RFX7: variants seen among roughly 807,000 people sequenced by gnomAD.
RFX7 encodes the protein regulatory factor X7, also known as DNA-binding protein RFX7.
A neutral mutation model predicts 111.8 loss-of-function variants in RFX7; 26 were observed. That is an observed-to-expected ratio of 0.23 (90% CI 0.17 to 0.32). RFX7 has a LOEUF of 0.32. RFX7 is among the 10% of genes least tolerant of loss of function. The probability of loss-of-function intolerance (pLI) is 1.00; values close to 1 mark genes in which losing one functional copy is unlikely to be tolerated. For synonymous variants in RFX7, 624 were observed against 624.4 expected, an observed-to-expected ratio of 1.00 and a Z score of 0.01; for missense variants, 1,573 against 1,772.9, an observed-to-expected ratio of 0.89 and a Z score of 2.02.
At chr15:56,119,563 G>T (rs2042048814) in intron 5 of RFX7, among the ~76,000 whole-genome samples, 1 of 151,878 alleles carries the variant, frequency 6.6e-6, no homozygotes, top group Non-Finnish European at 1.5e-5. Flanking sequence ...GGTCAAATGG[G>T]GTCAGGAGTT....
chr15:56,207,225 T>C (rs190730400), intron 2 of RFX7, among the ~76,000 whole-genome samples: 1 of 152,076 alleles, frequency 6.6e-6, no homozygotes, highest in African/African-American at 2.4e-5. Flanking sequence ...CCTAGAGTAG[T>C]GAAATTCTGA....
At chr15:56,184,338 C>G (rs566240227) in intron 2 of RFX7, among the ~76,000 whole-genome samples, 14 of 151,656 alleles carry the variant, frequency 9.2e-5, no homozygotes, top group African/African-American at 3.4e-4. Context: ...TGCGCCCGGA[C>G]AGTTCTAATA....
In RFX7 at chr15:56,089,957, C is replaced by G. The variant is rs931980716; in HGVS notation, c.*3388G>C. 1.3e-5 allele frequency: 2 copies of G among 152,136 alleles called. No homozygotes were observed. The highest frequency in any genetic ancestry group is 2.9e-5 in the Non-Finnish European group (2 of 68,036). 9.4% of individuals were successfully genotyped at this position (152,136 alleles called of 1,614,324 possible). A position where few individuals can be genotyped will look rare whatever the true frequency, so the allele number is the denominator to read the frequency against. On this transcript the variant is annotated 3_prime_UTR_variant, in exon 10 of 10. Transcript: ENST00000559447. ...AAGATCTGTCTACAATATATAGTCC[C>G]TGGCACTGGTTGTTGTTGCTTCTCA...
intron 3 of RFX7, among the ~76,000 whole-genome samples, chr15:56,162,804 A>G (rs1443458238): frequency 6.6e-6 from 1 of 152,150 alleles, no homozygotes; most frequent in African/African-American, 2.4e-5. Flanking sequence ...ACAAAACCAA[A>G]CAAGCTATTT....
At chr15:56,197,832 G>A (rs2043159556) in intron 2 of RFX7, among the ~76,000 whole-genome samples, 1 of 152,164 alleles carries the variant, frequency 6.6e-6, no homozygotes, top group Admixed American at 6.5e-5. Context: ...GGCTTTCCAG[G>A]ATTCTGGAAT....
At position 56,119,239 on chromosome 15, in the gene RFX7, G is replaced by A. The variant is rs1290225419; in HGVS notation, c.402-15569C>T. Among the ~76,000 whole-genome samples the A allele has an allele frequency of 3.9e-5, 6 of 152,064 alleles. No homozygotes were observed. The South Asian group carries it at 1.0e-3, about 26-fold the overall frequency. The stretch of plus-strand genomic sequence containing the variant: ...TGCTTTGGTTGCCTGTGCTTGTAGG[G>A]TATTGCTCAAGAAATTTTTGCACAG... On this transcript the variant is annotated intron_variant, in intron 5 of 9. Coordinates refer to ENST00000559447, the MANE Select transcript of RFX7 (RefSeq NM_022841.7).
chr15:56,100,778 A>G (rs1431503590), intron 8 of RFX7, among the ~76,000 whole-genome samples: 3 of 152,212 alleles, frequency 2.0e-5, no homozygotes, highest in East Asian at 1.9e-4. Context: ...AAGACTGTCA[A>G]TTCCCAAAAT....
At chr15:56,218,141 TTTC>T (rs1596016810) in intron 2 of RFX7, among the ~76,000 whole-genome samples, 9 of 141,854 alleles carry the variant, frequency 6.3e-5, no homozygotes, top group Admixed American at 1.5e-4. Context: ...TAGAAATGAT[TTTC>T]TTTTTTTTTT....
intron 2 of RFX7, among the ~76,000 whole-genome samples, chr15:56,212,143 A>T (rs2043318840): frequency 6.6e-6 from 1 of 152,328 alleles, no homozygotes; most frequent in Admixed American, 6.5e-5. Context: ...ACAGTGGTAT[A>T]TCTATTAATG....
chr15:56,123,920 G>C (rs1185519732), intron 5 of RFX7, among the ~76,000 whole-genome samples: 5 of 152,204 alleles, frequency 3.3e-5, no homozygotes, highest in Non-Finnish European at 7.3e-5. Context: ...CTGGGAGATG[G>C]GGGAGAGGTG....
chr15:56,104,670 G>C (rs2041804988), intron 5 of RFX7, among the ~76,000 whole-genome samples: 1 of 152,150 alleles, frequency 6.6e-6, no homozygotes, highest in South Asian at 2.1e-4. Flanking sequence ...AGTTAAGTTG[G>C]GAGAGACTCA....
At chr15:56,238,864 C>T (rs1450712229) in intron 2 of RFX7, among the ~76,000 whole-genome samples, 1 of 152,186 alleles carries the variant, frequency 6.6e-6, no homozygotes, top group East Asian at 1.9e-4. Flanking sequence ...AACCAGAGTC[C>T]TGCTCTGTCG....
At chr15:56,212,444 T>C (rs1319978333) in intron 2 of RFX7, among the ~76,000 whole-genome samples, 1 of 152,178 alleles carries the variant, frequency 6.6e-6, no homozygotes, top group Non-Finnish European at 1.5e-5. Context: ...TGTCATTATA[T>C]ATCTGACCAA....
At chr15:56,221,484 T>C (rs971465354) in intron 2 of RFX7, among the ~76,000 whole-genome samples, 1 of 152,174 alleles carries the variant, frequency 6.6e-6, no homozygotes, top group Non-Finnish European at 1.5e-5. Context: ...TTGTAGACAG[T>C]ATATAGTTGG....
At chr15:56,187,952 G>C (rs2043059273) in intron 2 of RFX7, among the ~76,000 whole-genome samples, 11 of 152,070 alleles carry the variant, frequency 7.2e-5, no homozygotes, top group Admixed American at 7.2e-4. Flanking sequence ...AAAAGACCTA[G>C]AGTCAAGAGA....
intron 3 of RFX7, among the ~76,000 whole-genome samples, chr15:56,167,925 A>G (rs1262832237): frequency 1.3e-5 from 2 of 152,220 alleles, no homozygotes; most frequent in Admixed American, 6.5e-5. Context: ...GGTTACCAAA[A>G]TTCAGTAAGA....
intron 2 of RFX7, among the ~76,000 whole-genome samples, chr15:56,195,609 G>C (rs1163648879): frequency 8.5e-5 from 13 of 152,054 alleles, no homozygotes; most frequent in African/African-American, 2.2e-4. Context: ...ATTAACCAAA[G>C]ACCCGTGTTT....
At chr15:56,133,190 C>A (rs28637684) in intron 5 of RFX7, among the ~76,000 whole-genome samples, 4,546 of 152,066 alleles carry the variant, frequency 0.03, 205 homozygotes, top group African/African-American at 0.094. Context: ...TATTAGAATT[C>A]AAAAATTTCA....
At chr15:56,132,896 C>T (rs1391481453) in intron 5 of RFX7, among the ~76,000 whole-genome samples, 2 of 152,048 alleles carry the variant, frequency 1.3e-5, no homozygotes, top group Non-Finnish European at 2.9e-5. Context: ...CAAGGATGTT[C>T]ACTGCAGTGC....
Sources: allele counts gnomAD v4.1 joint callset (sites outside exome capture counted in the v4.1 genomes callset), GRCh38; gene constraint gnomAD v4.1.1; transcripts MANE v1.5; gene names NCBI Gene and HGNC (gene_info 2026-07-23, HGNC 2026-07-21).